GALC: variants seen among roughly 807,000 people sequenced by gnomAD.
GALC encodes the protein galactocerebrosidase.
GALC carries 77 observed loss-of-function variants against 91.8 expected under a neutral mutation model. The ratio of observed to expected loss-of-function variants is 0.84; its 90% CI spans 0.70 to 1.01. The LOEUF (loss-of-function observed/expected upper bound fraction) is 1.01. Ranked by LOEUF, GALC falls within the 50% of genes least tolerant of loss-of-function variation. The pLI, the probability that GALC is intolerant of heterozygous loss-of-function variation, is 0.00. For missense variants in GALC, 882 were observed against 855.9 expected, an observed-to-expected ratio of 1.03 and a Z score of -0.38; for synonymous variants, 357 against 306.7, an observed-to-expected ratio of 1.16 and a Z score of -1.71.
rs558424047 is a variant in GALC, at chr14:87,985,529, T to C, written c.442+960A>G. On this transcript the variant is annotated intron_variant, in intron 4 of 16. Transcript: ENST00000261304. ...AGTGGATATGTGCTGAATTCAGTGA[T>C]GCTTTTACTGCTCACAGCATTTCTG... Among the ~76,000 whole-genome samples, 9 of 152,360 alleles carry C rather than the reference T, an allele frequency of 5.9e-5. No homozygotes were observed. The South Asian group carries it at 1.0e-3, about 18-fold the overall frequency.
intron 13 of GALC, 140 bp from the exon 14 acceptor site, chr14:87,945,873 G>C: frequency 1.5e-6 from 1 of 658,406 alleles, no homozygotes; most frequent in South Asian, 1.8e-5. Context: ...TTAGGGCCTA[G>C]GTCTAATAAA....
intron 14 of GALC, 146 bp from the exon 15 acceptor site, chr14:87,941,704 G>A: frequency 1.5e-6 from 1 of 670,056 alleles, no homozygotes. Flanking sequence ...GCAGAGATGG[G>A]CTTCAAGAAT....
chr14:87,949,130 G>C (rs1312108212), intron 12 of GALC, among the ~76,000 whole-genome samples: 1 of 150,036 alleles, frequency 6.7e-6, no homozygotes, highest in Non-Finnish European at 1.5e-5. Flanking sequence ...AAAGACACTT[G>C]AATTGAGTCT....
Position 87,968,276 on chromosome 14 carries a change from A to G in GALC, c.908+59T>C, listed in dbSNP as rs907278523. 8 of 1,406,198 alleles carry G rather than the reference A, an allele frequency of 5.7e-6. No homozygotes were observed. The African/African-American group carries it at 8.7e-5, about 15-fold the overall frequency. 87.1% of individuals were successfully genotyped at this position (1,406,198 alleles called of 1,614,324 possible). ...AGAATAAGGAATTCCATTTTTTTCT[A>G]ACTCTTATGTTTTTAAATTTTTTTT... On this transcript the variant is annotated intron_variant, in intron 8 of 16. Transcript: ENST00000261304.
Position 87,965,488 on chromosome 14 carries a change from A to G in GALC, c.1033+17T>C. 6.2e-7 allele frequency: 1 copy of G among 1,612,948 alleles called. No individual in the cohort carries two copies. The highest frequency in any genetic ancestry group is 8.5e-7 in the Non-Finnish European group (1 of 1,179,096). On this transcript the variant is annotated intron_variant, in intron 9 of 16. Coordinates refer to ENST00000261304, the MANE Select transcript of GALC (RefSeq NM_000153.4). ...TAGAGAAGAATTTAGGGAGTGAGAGATGGAACTGAACCATACCTGATACCC... is the reference window on the plus strand; with the variant it reads ...TAGAGAAGAATTTAGGGAGTGAGAGGTGGAACTGAACCATACCTGATACCC...
chr14:87,948,869 A>G (rs1885189471), intron 12 of GALC, among the ~76,000 whole-genome samples: 1 of 152,066 alleles, frequency 6.6e-6, no homozygotes, highest in East Asian at 1.9e-4. Context: ...AACATTAATA[A>G]TAACCAGAAA....
At chr14:87,993,424 C>A (rs1239461996), upstream of GALC, 2 of 1,535,730 alleles carry the variant, frequency 1.3e-6, no homozygotes, top group African/African-American at 2.7e-5. Flanking sequence ...AGCACTTTAA[C>A]GCAGGGAAGG....
chr14:87,975,594 A>G (rs905459447), intron 7 of GALC, among the ~76,000 whole-genome samples: 14 of 152,132 alleles, frequency 9.2e-5, no homozygotes, highest in Non-Finnish European at 1.3e-4. Flanking sequence ...AGAATTGGTC[A>G]TGGATTCACA....
intron 10 of GALC, among the ~76,000 whole-genome samples, chr14:87,951,580 T>C (rs1305270206): frequency 6.6e-6 from 1 of 151,882 alleles, no homozygotes; most frequent in Non-Finnish European, 1.5e-5. Context: ...AACTACACCA[T>C]ACTCTGATCC....
chr14:87,982,131 T>G, intron 6 of GALC, 74 bp downstream of exon 6: 1 of 783,758 alleles, frequency 1.3e-6, no homozygotes, highest in Admixed American at 2.2e-5. Flanking sequence ...TTTCCTACTA[T>G]TTTCTGTGTT....
In GALC at chr14:87,941,469, A is replaced by G. The variant is rs368818550; in HGVS notation, c.1760T>C (p.Ile587Thr). ...FIAGRVNKGGILIRSARGIFF... is the reference protein window; with the variant it reads ...FIAGRVNKGGTLIRSARGIFF... ...AATTCCTCTGGCACTTCTAATCAAA[A>G]TACCACCTTTATTTACTCTTCCTGC... The change falls in exon 15 of 17, where the codon ATT becomes ACT. Residue 587 changes from isoleucine to threonine, a missense_variant. Coordinates refer to ENST00000261304, the MANE Select transcript of GALC (RefSeq NM_000153.4). The G allele has an allele frequency of 4.7e-5, 75 of 1,606,592 alleles. No individual in the cohort carries two copies. The highest frequency in any genetic ancestry group is 5.6e-5 in the Non-Finnish European group (66 of 1,173,674).
intron 11 of GALC, among the ~76,000 whole-genome samples, chr14:87,950,418 C>G (rs543742127): frequency 6.6e-6 from 1 of 151,958 alleles, no homozygotes; most frequent in South Asian, 2.1e-4. Context: ...CCAAGAACAA[C>G]TTTCTTGCAA....
chr14:87,985,694 C>G (rs1361959097), intron 4 of GALC, among the ~76,000 whole-genome samples: 1 of 152,136 alleles, frequency 6.6e-6, no homozygotes, highest in Non-Finnish European at 1.5e-5. Flanking sequence ...TAAAATGAAT[C>G]ATTAATTTCA....
chr14:87,986,635 A>T (rs1311177819), intron 3 of GALC, 33 bp from the exon 4 acceptor site: 3 of 1,347,804 alleles, frequency 2.2e-6, no homozygotes, highest in Non-Finnish European at 3.2e-6. Flanking sequence ...GGAAGTAATG[A>T]TCCATGAATG....
chr14:87,954,377 C>G, intron 10 of GALC: 1 of 1,601,176 alleles, frequency 6.2e-7, no homozygotes, highest in Non-Finnish European at 8.6e-7. Flanking sequence ...GGAACAGGCC[C>G]AAGATCAACA....
At chr14:87,986,841 T>C (rs1435886227) in intron 3 of GALC, 36 of 544,212 alleles carry the variant, frequency 6.6e-5, no homozygotes, top group Non-Finnish European at 2.0e-5. Context: ...CACAACCTTC[T>C]ATTACAAGCA....
intron 4 of GALC, among the ~76,000 whole-genome samples, chr14:87,984,763 C>T (rs1308278991): frequency 6.6e-6 from 1 of 152,082 alleles, no homozygotes; most frequent in East Asian, 1.9e-4. Flanking sequence ...TTCAAATGTT[C>T]TTTCCAAGAA....
intron 7 of GALC, 128 bp from the exon 8 acceptor site, chr14:87,968,618 G>T: frequency 1.2e-6 from 1 of 863,738 alleles, no homozygotes; most frequent in Non-Finnish European, 1.9e-6. Context: ...CAGTTGGGTA[G>T]CTTCCAGGTA....
intron 9 of GALC, 50 bp from the exon 10 acceptor site, chr14:87,963,561 A>G (rs373749844): frequency 1.3e-6 from 2 of 1,507,974 alleles, no homozygotes; most frequent in African/African-American, 1.4e-5. Context: ...TAATAATAGT[A>G]TTTCTTTTGG....
Sources: gnomAD v4.1 joint callset for allele counts (sites outside exome capture counted in the v4.1 genomes callset) on GRCh38, gnomAD v4.1.1 for gene constraint, MANE v1.5 for transcripts, NCBI Gene and HGNC (gene_info 2026-07-23, HGNC 2026-07-21) for gene names.